OPCML: variants seen among roughly 807,000 people sequenced by gnomAD.
OPCML encodes opioid binding protein/cell adhesion molecule like.
In OPCML, 13 loss-of-function variants were observed where a neutral mutation model predicts 37.8. The ratio of observed to expected loss-of-function variants is 0.34; its 90% CI spans 0.22 to 0.55. OPCML has a LOEUF of 0.55. Ranked by LOEUF, OPCML falls within the 20% of genes least tolerant of loss-of-function variation. OPCML has a pLI of 0.91. For missense variants in OPCML, 341 were observed against 435.6 expected (o/e 0.78, Z 1.93); for synonymous variants, 176 against 168.8 (o/e 1.04, Z -0.33).
chr11:133,062,314 C>A (rs1203784832), intron 1 of OPCML, among the ~76,000 whole-genome samples: 1 of 152,212 alleles, frequency 6.6e-6, no homozygotes, highest in Non-Finnish European at 1.5e-5. Flanking sequence ...ATCCCCGCTG[C>A]ACTTCCTTAT....
intron 4 of OPCML, among the ~76,000 whole-genome samples, chr11:132,512,089 C>A (rs1342994750): frequency 6.6e-6 from 1 of 151,964 alleles, no homozygotes; most frequent in Non-Finnish European, 1.5e-5. Context: ...TTAGATATAC[C>A]AATGGCCAAT....
intron 1 of OPCML, among the ~76,000 whole-genome samples, chr11:133,383,763 A>C (rs769026776): frequency 6.6e-6 from 1 of 152,174 alleles, no homozygotes; most frequent in African/African-American, 2.4e-5. Flanking sequence ...TCAGCTATTT[A>C]GTGTTAAGCT....
At chr11:132,996,144 T>C (rs1244214096) in intron 1 of OPCML, among the ~76,000 whole-genome samples, 1 of 152,188 alleles carries the variant, frequency 6.6e-6, no homozygotes, top group African/African-American at 2.4e-5. Flanking sequence ...TAGCATATTT[T>C]TCACCAATGT....
In OPCML at chr11:133,126,713, C is replaced by A. The variant is rs200942375; in HGVS notation, c.62-183703G>T. Among the ~76,000 whole-genome samples the A allele has an allele frequency of 7.2e-5, 11 of 152,262 alleles. No individual in the cohort carries two copies. In the East Asian group the frequency reaches 1.7e-3, roughly 24 times the overall value. The stretch of plus-strand genomic sequence containing the variant: ...TCTTTCAAGTCCATATTTTAAAATT[C>A]TTTCTGGGAGAACAATGAAGTGATT... On this transcript the variant is annotated intron_variant, in intron 1 of 7. Coordinates refer to ENST00000524381, the MANE Select transcript of OPCML (RefSeq NM_001012393.5).
intron 1 of OPCML, among the ~76,000 whole-genome samples, chr11:133,018,066 T>G (rs530405242): frequency 6.6e-6 from 1 of 152,196 alleles, no homozygotes; most frequent in Non-Finnish European, 1.5e-5. Context: ...GGAAGGTGTC[T>G]TCTCAAGGGT....
chr11:132,857,641 C>T (rs755415363), intron 2 of OPCML, among the ~76,000 whole-genome samples: 31 of 152,124 alleles, frequency 2.0e-4, no homozygotes, highest in Non-Finnish European at 3.2e-4. Context: ...GCTGTAGCTG[C>T]GTTCTAAGAA....
intron 1 of OPCML, among the ~76,000 whole-genome samples, chr11:133,134,781 GTCAT>G (rs1018953315): frequency 1.3e-5 from 2 of 152,110 alleles, no homozygotes; most frequent in African/African-American, 4.8e-5. Flanking sequence ...TGCACCCAAA[GTCAT>G]TCATGCCAGG....
chr11:132,479,454 G>A lies in OPCML; in HGVS notation c.506-42095C>T, dbSNP rs181583808. On this transcript the variant is annotated intron_variant, in intron 4 of 7. Transcript: ENST00000524381. ...GCAGCAGCGAGGCTGGGGAAGGGGC[G>A]CCCACCATTGCCCAGGCTTGCTTAG... Among the ~76,000 whole-genome samples the A allele has an allele frequency of 6.2e-3, 949 of 152,310 alleles. 13 individuals carry two copies. The highest frequency in any genetic ancestry group is 0.022 in the African/African-American group (910 of 41,572).
At chr11:133,279,663 C>T (rs1179937231) in intron 1 of OPCML, among the ~76,000 whole-genome samples, 3 of 152,144 alleles carry the variant, frequency 2.0e-5, no homozygotes, top group Non-Finnish European at 2.9e-5. Context: ...GCTGGTGTCT[C>T]TACCAGCCTG....
intron 2 of OPCML, among the ~76,000 whole-genome samples, chr11:132,876,075 T>A (rs901624697): frequency 6.6e-6 from 1 of 152,156 alleles, no homozygotes; most frequent in Non-Finnish European, 1.5e-5. Flanking sequence ...AAACCACAAG[T>A]TTTGCAGGTC....
chr11:133,230,905 AG>A (rs1940247914), intron 1 of OPCML, among the ~76,000 whole-genome samples: 1 of 152,184 alleles, frequency 6.6e-6, no homozygotes, highest in African/African-American at 2.4e-5. Flanking sequence ...GGAGAAGAAA[AG>A]GGAAGGCAAA....
intron 1 of OPCML, among the ~76,000 whole-genome samples, chr11:133,340,601 ACTCT>A (rs748563381): frequency 5.0e-4 from 53 of 106,186 alleles, no homozygotes; most frequent in African/African-American, 1.8e-3. Context: ...ACAAATTAAG[ACTCT>A]CTCTGTGTGT....
intron 1 of OPCML, among the ~76,000 whole-genome samples, chr11:133,321,169 A>T (rs1044065941): frequency 2.6e-5 from 4 of 150,980 alleles, no homozygotes; most frequent in Admixed American, 6.6e-5. Context: ...TACTTTTTTT[A>T]AAAAAAACAA....
rs543792273 is a variant in OPCML, at chr11:133,083,032, G to C, written c.62-140022C>G. On this transcript the variant is annotated intron_variant, in intron 1 of 7. Transcript: ENST00000524381. ...AGCCCGCGGCGGACGCCCCAGCCGA[G>C]CCCAGCCACTGCCTGGTGGAGCCAC... is the stretch of plus-strand genomic sequence containing the variant. Among the ~76,000 whole-genome samples, 38 of 149,936 alleles carry C rather than the reference G, an allele frequency of 2.5e-4. No individual in the cohort carries two copies. In the South Asian group the frequency reaches 7.3e-3, roughly 29 times the overall value.
chr11:133,164,206 C>A (rs1950180261), intron 1 of OPCML, among the ~76,000 whole-genome samples: 1 of 152,194 alleles, frequency 6.6e-6, no homozygotes, highest in South Asian at 2.1e-4. Context: ...TTCTGTGCCT[C>A]AGATGGTAAG....
At chr11:133,216,598 G>T (rs946662929) in intron 1 of OPCML, among the ~76,000 whole-genome samples, 27 of 152,124 alleles carry the variant, frequency 1.8e-4, no homozygotes, top group African/African-American at 6.5e-4. Context: ...CATTTGTATG[G>T]TAATTTATAT....
chr11:132,736,706 C>T (rs139935387), intron 2 of OPCML, among the ~76,000 whole-genome samples: 5 of 152,238 alleles, frequency 3.3e-5, no homozygotes, highest in African/African-American at 1.2e-4. Flanking sequence ...AACTTAAAGC[C>T]TCCTGCCAGT....
chr11:132,786,489 G>A (rs763335942), intron 2 of OPCML, among the ~76,000 whole-genome samples: 1 of 152,120 alleles, frequency 6.6e-6, no homozygotes, highest in South Asian at 2.1e-4. Context: ...TCTGACCTCT[G>A]GCATTTCCTA....
At chr11:133,428,738 G>A (rs1946058232) in intron 1 of OPCML, among the ~76,000 whole-genome samples, 1 of 152,074 alleles carries the variant, frequency 6.6e-6, no homozygotes, top group Admixed American at 6.6e-5. Flanking sequence ...AAGAGTGAAT[G>A]ATATAAAGAT....
Sources: gnomAD v4.1 joint callset for allele counts (sites outside exome capture counted in the v4.1 genomes callset) on GRCh38, gnomAD v4.1.1 for gene constraint, MANE v1.5 for transcripts, NCBI Gene and HGNC (gene_info 2026-07-23, HGNC 2026-07-21) for gene names.